QKI: variants seen among roughly 807,000 people sequenced by gnomAD.
The protein encoded by QKI is QKI, KH domain containing RNA binding, also known as KH domain-containing RNA-binding protein QKI.
A neutral mutation model predicts 39.0 loss-of-function variants in QKI; 10 were observed. The observed-to-expected ratio is 0.26, with a 90% CI of 0.16 to 0.43. The LOEUF is 0.43. Ranked by LOEUF, QKI falls within the 20% of genes least tolerant of loss-of-function variation. The pLI, the probability that QKI is intolerant of heterozygous loss-of-function variation, is 1.00. For missense variants in QKI, 218 were observed against 428.0 expected, an observed-to-expected ratio of 0.51 and a Z score of 4.33; for synonymous variants, 204 against 155.4, an observed-to-expected ratio of 1.31 and a Z score of -2.33.
At chr6:163,500,524 C>T (rs926622724) in intron 3 of QKI, among the ~76,000 whole-genome samples, 2 of 152,166 alleles carry the variant, frequency 1.3e-5, no homozygotes, top group African/African-American at 4.8e-5. Flanking sequence ...CTTACCCAGG[C>T]TGTCTTCTTC....
At chr6:163,502,757 A>G (rs1455788210) in intron 3 of QKI, among the ~76,000 whole-genome samples, 1 of 152,076 alleles carries the variant, frequency 6.6e-6, no homozygotes, top group Non-Finnish European at 1.5e-5. Context: ...TTTACTGTTG[A>G]TGGTCACCTT....
intron 4 of QKI, among the ~76,000 whole-genome samples, chr6:163,538,748 G>T (rs1028045075): frequency 6.6e-6 from 1 of 152,202 alleles, no homozygotes; most frequent in Non-Finnish European, 1.5e-5. Context: ...AGATTAAAGT[G>T]ATTTGGAGTA....
intron 3 of QKI, among the ~76,000 whole-genome samples, chr6:163,487,658 G>C (rs1173035828): frequency 6.6e-6 from 1 of 151,662 alleles, no homozygotes; most frequent in Non-Finnish European, 1.5e-5. Flanking sequence ...GGATTTTGCT[G>C]GTGGCATTTT....
chr6:163,430,442 AT>A (rs150520041), intron 1 of QKI, among the ~76,000 whole-genome samples: 1 of 150,936 alleles, frequency 6.6e-6, no homozygotes, highest in African/African-American at 2.4e-5. Context: ...TTGGCTTTTT[AT>A]TTTTTTTGTT....
At chr6:163,422,191 T>C (rs369572958) in intron 1 of QKI, among the ~76,000 whole-genome samples, 95 of 152,132 alleles carry the variant, frequency 6.2e-4, no homozygotes, top group Middle Eastern at 3.4e-3. Flanking sequence ...AGGACTGCAC[T>C]TAATGTTTTC....
rs1787280248 is a variant in QKI at position 163,414,814 on chromosome 6, C to A, written c.-380C>A. The A allele has an allele frequency of 1.4e-5, 2 of 144,054 alleles. No homozygotes were observed. Among genetic ancestry groups the A allele is most frequent in the Admixed American group, 1.4e-4 (2 of 14,594 alleles). 8.9% of individuals were successfully genotyped at this position (144,054 alleles called of 1,614,324 possible). ...CGGCACAGGCGGCGGCGGCGCTGAG[C>A]GGGCTCGACCAGCCGAGCGAGCGGC... On this transcript the variant is annotated 5_prime_UTR_variant, in exon 1 of 8. Transcript: ENST00000361752.
At chr6:163,503,729 T>C (rs1003854209) in intron 3 of QKI, among the ~76,000 whole-genome samples, 1 of 152,006 alleles carries the variant, frequency 6.6e-6, no homozygotes, top group African/African-American at 2.4e-5. Flanking sequence ...TAATCTGTTT[T>C]GAGGTTTTTT....
chr6:163,421,584 T>C (rs1336245421), intron 1 of QKI, among the ~76,000 whole-genome samples: 2 of 152,178 alleles, frequency 1.3e-5, no homozygotes, highest in Non-Finnish European at 2.9e-5. Context: ...GATTTTAGTT[T>C]AAAAGAAAGC....
At chr6:163,516,801 A>G (rs1256187159) in intron 3 of QKI, among the ~76,000 whole-genome samples, 1 of 152,138 alleles carries the variant, frequency 6.6e-6, no homozygotes, top group Non-Finnish European at 1.5e-5. Context: ...GGTGTAGGCT[A>G]GAGTATTTGA....
intron 3 of QKI, among the ~76,000 whole-genome samples, chr6:163,485,428 G>A (rs919518677): frequency 1.4e-4 from 21 of 152,134 alleles, no homozygotes; most frequent in African/African-American, 4.6e-4. Context: ...TGTTTTGCAC[G>A]TAATTAGGTA....
chr6:163,432,967 A>C (rs1788953596), intron 1 of QKI, among the ~76,000 whole-genome samples: 1 of 152,230 alleles, frequency 6.6e-6, no homozygotes, highest in South Asian at 2.1e-4. Flanking sequence ...GTGAGTAGAG[A>C]GATAAATGAA....
intron 2 of QKI, among the ~76,000 whole-genome samples, chr6:163,455,981 G>A (rs1790880173): frequency 2.6e-5 from 4 of 152,118 alleles, no homozygotes; most frequent in South Asian, 4.1e-4. Context: ...AGCCCTATAT[G>A]ATACGGTCCA....
At chr6:163,475,922 C>T (rs534860612) in intron 2 of QKI, among the ~76,000 whole-genome samples, 1 of 152,018 alleles carries the variant, frequency 6.6e-6, no homozygotes, top group South Asian at 2.1e-4. Context: ...CATAAGACAC[C>T]ATTAAAGAGG....
intron 1 of QKI, among the ~76,000 whole-genome samples, chr6:163,418,440 T>G (rs1052903438): frequency 6.6e-6 from 1 of 152,178 alleles, no homozygotes; most frequent in Non-Finnish European, 1.5e-5. Flanking sequence ...GTCTGTATCT[T>G]GACTGTGGAC....
intron 1 of QKI, chr6:163,423,287 C>T (rs1229020715): frequency 2.6e-5 from 4 of 152,218 alleles, no homozygotes; most frequent in Non-Finnish European, 5.9e-5. Context: ...GATTCCATCT[C>T]AAAAACAAAT....
intron 3 of QKI, among the ~76,000 whole-genome samples, chr6:163,495,113 A>G (rs1284159336): frequency 2.0e-5 from 3 of 152,042 alleles, no homozygotes; most frequent in African/African-American, 7.2e-5. Flanking sequence ...ACAAGGTTTC[A>G]CCAGTTGGCC....
Position 163,432,398 on chromosome 6 carries a change from C to CTTT in QKI, c.142+17074_142+17076dup, listed in dbSNP as rs536271851. Among the ~76,000 whole-genome samples the CTTT allele has an allele frequency of 9.7e-5, 14 of 143,980 alleles. 1 individual carries two copies. Among genetic ancestry groups the CTTT allele is most frequent in the African/African-American group, 2.8e-4 (11 of 39,274 alleles). The allele number at this position is 143,980 out of a possible 152,430, so 94.5% of individuals were successfully genotyped here. ...ATATAAATAATTTAAAATCCCCCCC[C>CTTT]TTTTTTTTTTTTTAAAGAGATGGGG... On this transcript the variant is annotated intron_variant, in intron 1 of 7. Transcript: ENST00000361752.
At chr6:163,527,050 C>G (rs920149776) in intron 3 of QKI, among the ~76,000 whole-genome samples, 1 of 152,192 alleles carries the variant, frequency 6.6e-6, no homozygotes, top group South Asian at 2.1e-4. Flanking sequence ...TCCTTTGTGC[C>G]TAATTTAATA....
chr6:163,459,960 GATTT>G (rs773675975), intron 2 of QKI, among the ~76,000 whole-genome samples: 3 of 152,300 alleles, frequency 2.0e-5, no homozygotes, highest in South Asian at 2.1e-4. Context: ...AGAGTTAACT[GATTT>G]ATTTAAGTAA....
Sources: allele counts gnomAD v4.1 joint callset (sites outside exome capture counted in the v4.1 genomes callset), GRCh38; gene constraint gnomAD v4.1.1; transcripts MANE v1.5; gene names NCBI Gene and HGNC (gene_info 2026-07-23, HGNC 2026-07-21).